LAMB1: variants seen among roughly 807,000 people sequenced by gnomAD.
The protein encoded by LAMB1 is laminin subunit beta-1.
A neutral mutation model predicts 222.3 loss-of-function variants in LAMB1; 121 were observed. The ratio of observed to expected loss-of-function variants is 0.54; its 90% CI spans 0.47 to 0.63. The LOEUF is 0.63. LAMB1 is among the 30% of genes least tolerant of loss of function. LAMB1 has a pLI of 0.00. For synonymous variants in LAMB1, 794 were observed against 807.2 expected, an observed-to-expected ratio of 0.98 and a Z score of 0.28; for missense variants, 2,172 against 2,240.8, an observed-to-expected ratio of 0.97 and a Z score of 0.62.
Position 107,974,018 on chromosome 7 carries a change from C to T in LAMB1, c.1483-947G>A, listed in dbSNP as rs2033803625. Among the ~76,000 whole-genome samples the T allele has an allele frequency of 3.3e-5, 5 of 152,198 alleles. No homozygotes were observed. In the South Asian group the frequency reaches 1.0e-3, roughly 32 times the overall value. Reference sequence around the variant, plus strand: ...TCTCAAACTCATGATCTCAAGCATTCCTCCTGCCTTGGCCACCCAAAGCAC... The same window carrying T: ...TCTCAAACTCATGATCTCAAGCATTTCTCCTGCCTTGGCCACCCAAAGCAC... On this transcript the variant is annotated intron_variant, in intron 12 of 33. Transcript: ENST00000222399.
rs1215861348 is a variant in LAMB1, at chr7:107,931,411, G to T, written c.4482C>A (p.Asp1494Glu). The change falls in exon 29 of 34, where the codon GAC becomes GAA. Residue 1494 changes from aspartate (D) to glutamate (E), a missense_variant. Physicochemically the swap from Asp to Glu is conservative, Grantham distance 45. Transcript: ENST00000222399. ...GATTTCTCAGCTCCTCATTGCTCTT[G>T]TCCATTTTTTCTTTGGTAGCATTTG... ...LKTNATKEKM[D>E]KSNEELRNLI... The T allele has an allele frequency of 6.2e-7, 1 of 1,613,598 alleles. No individual in the cohort carries two copies. The highest frequency in any genetic ancestry group is 1.3e-5 in the African/African-American group (1 of 74,872).
At chr7:107,925,898 TA>T (rs34631145) in intron 32 of LAMB1, among the ~76,000 whole-genome samples, 180 of 142,856 alleles carry the variant, frequency 1.3e-3, no homozygotes, top group Middle Eastern at 3.6e-3. Flanking sequence ...ATAGTTGGTT[TA>T]AAAAAAAAAA....
chr7:107,941,955 G>A (rs749726243), intron 24 of LAMB1, among the ~76,000 whole-genome samples: 6 of 148,130 alleles, frequency 4.1e-5, no homozygotes, highest in Non-Finnish European at 8.9e-5. Context: ...GAGATTACAG[G>A]TGTGAGCCAC....
At position 107,931,434 on chromosome 7, in the gene LAMB1, T is replaced by G; in HGVS notation, c.4459A>C (p.Asn1487His). Residue 1487 changes from asparagine (N) to histidine (H), a missense_variant, in exon 29 of 34, where the codon AAT becomes CAT. By Grantham distance (68) the Asn-to-His change is moderately conservative (BLOSUM62 1). Transcript: ENST00000222399. ...TTGTCCATTTTTTCTTTGGTAGCAT[T>G]TGTCTTCAACAGAATGTCTTCAGCA... ...QSAEDILLKT[N>H]ATKEKMDKSN... 6.2e-7 allele frequency: 1 copy of G among 1,613,854 alleles called. No individual in the cohort carries two copies. The highest frequency in any genetic ancestry group is 1.1e-5 in the South Asian group (1 of 91,084).
chr7:107,945,603 T>G (rs1213447453), intron 24 of LAMB1, among the ~76,000 whole-genome samples: 1 of 152,242 alleles, frequency 6.6e-6, no homozygotes, highest in African/African-American at 2.4e-5. Context: ...CCCCCAGGCT[T>G]GTGGAAACAG....
At chr7:107,980,990 G>C (rs2033961388) in intron 7 of LAMB1, among the ~76,000 whole-genome samples, 179 bp from the exon 8 acceptor site, 1 of 152,060 alleles carries the variant, frequency 6.6e-6, no homozygotes, top group Non-Finnish European at 1.5e-5. Context: ...ACTGCAAAGA[G>C]GAAAGGTTAC....
At chr7:107,941,608 G>A (rs1429411804) in intron 24 of LAMB1, among the ~76,000 whole-genome samples, 2 of 151,074 alleles carry the variant, frequency 1.3e-5, no homozygotes, top group African/African-American at 2.4e-5. Flanking sequence ...TCCTCCTGAA[G>A]TGCAATGTCA....
intron 7 of LAMB1, among the ~76,000 whole-genome samples, chr7:107,982,146 T>C (rs975762568): frequency 6.6e-6 from 1 of 152,222 alleles, no homozygotes; most frequent in Non-Finnish European, 1.5e-5. Context: ...TACCAATTCA[T>C]TCTATAGTAA....
chr7:107,959,467 A>G lies in LAMB1; in HGVS notation c.2472T>C (p.His824=). 6.2e-7 allele frequency: 1 copy of G among 1,614,092 alleles called. No homozygotes were observed. The highest frequency in any genetic ancestry group is 8.5e-7 in the Non-Finnish European group (1 of 1,179,994). The change falls in exon 20 of 34, where the codon CAT becomes CAC. Residue 824 remains histidine (H), a synonymous_variant. Coordinates refer to ENST00000222399, the MANE Select transcript of LAMB1 (RefSeq NM_002291.3). ...GPSGCKPCEC[H]LQGSVNAFCN... is the part of the protein sequence containing the mutation. ...AGAAGGCATTGACAGATCCTTGCAG[A>G]TGGCACTCACAAGCTAAAGAAACAG...
In LAMB1 at chr7:107,975,743, G is replaced by A. The variant is rs28750165; in HGVS notation, c.1135C>T (p.Pro379Ser). 0.01 allele frequency: 16,484 copies of A among 1,613,708 alleles called. 1,183 individuals are homozygous for A. In the African/African-American group the frequency reaches 0.17, roughly 17 times the overall value. ...TMGRNCEQCKPFYYQHPERDI... is the reference protein window; with the variant it reads ...TMGRNCEQCKSFYYQHPERDI... ...CTCTCTGGGTGCTGGTAGTAAAACG[G>A]CTTGCACTGCTCACAGTTGCGCCCC... Residue 379 changes from proline to serine, a missense_variant, in exon 10 of 34, where the codon CCG becomes TCG. Physicochemically the swap from Pro to Ser is moderately conservative, Grantham distance 74. Coordinates refer to ENST00000222399, the MANE Select transcript of LAMB1 (RefSeq NM_002291.3).
chr7:107,995,345 C>T (rs1323923311), intron 4 of LAMB1, among the ~76,000 whole-genome samples: 5 of 152,328 alleles, frequency 3.3e-5, no homozygotes, highest in South Asian at 2.1e-4. Flanking sequence ...TTCCTGTGCA[C>T]AGTAGGGGGT....
At position 108,001,719 on chromosome 7, in the gene LAMB1, G is replaced by C. The variant is rs779118306; in HGVS notation, c.52C>G (p.Arg18Gly). 8 of 1,612,728 alleles carry C rather than the reference G, an allele frequency of 5.0e-6. No individual in the cohort carries two copies. The South Asian group carries it at 6.6e-5, about 13-fold the overall frequency. ...AFSFLALCRA[R>G]VRAQEPEFSY... ...AACTCGGGTTCCTGAGCGCGCACTCGGGCTCTGCACAGGGCTGCGGGAAGG... is the reference window on the plus strand; with the variant it reads ...AACTCGGGTTCCTGAGCGCGCACTCCGGCTCTGCACAGGGCTGCGGGAAGG... The change falls in exon 3 of 34, where the codon CGA (arginine) becomes GGA (glycine). Residue 18 changes from arginine (R) to glycine (G), a missense_variant. Physicochemically the swap from Arg to Gly is moderately radical, Grantham distance 125 (BLOSUM62 -2). Transcript: ENST00000222399.
chr7:107,938,289 ATT>A (rs1317515682), intron 25 of LAMB1, among the ~76,000 whole-genome samples: 3 of 152,208 alleles, frequency 2.0e-5, no homozygotes, highest in African/African-American at 7.2e-5. Context: ...GGTAGATTAA[ATT>A]ACATTTCAGT....
In LAMB1 at chr7:107,937,226, T is replaced by G. The variant is rs1301763039; in HGVS notation, c.3813A>C (p.Leu1271Phe). 1.9e-6 allele frequency: 3 copies of G among 1,614,096 alleles called. No homozygotes were observed. Among genetic ancestry groups the G allele is most frequent in the Non-Finnish European group, 2.5e-6 (3 of 1,179,954 alleles). Residue 1271 changes from leucine to phenylalanine, a missense_variant, in exon 26 of 34, where the codon TTA becomes TTC. Leu to Phe is a conservative substitution (Grantham distance 22). Coordinates refer to ENST00000222399, the MANE Select transcript of LAMB1 (RefSeq NM_002291.3). ...TGTTGCTTTGGGAAGTTGTGTCAGA[T>G]AATTTCACTTCTACTTGAGCCATCA... ...TEMMAQVEVKLSDTTSQSNST... is the reference protein window; with the variant it reads ...TEMMAQVEVKFSDTTSQSNST...
rs1299662604 is a variant in LAMB1 at position 107,932,370 on chromosome 7, C to T, written c.4196G>A (p.Gly1399Glu). ...GGAACAGGAGGCCCCTGGGGGTGTTCCACAGGTCTGCAACAAGCCAAGGAT... is the reference window on the plus strand; with the variant it reads ...GGAACAGGAGGCCCCTGGGGGTGTTTCACAGGTCTGCAACAAGCCAAGGAT... The part of the protein sequence containing the change: ...DLSAAAEMTC[G>E]TPPGASCSET... The change falls in exon 28 of 34, where the codon GGA becomes GAA. Residue 1399 changes from glycine to glutamate, a missense_variant. Gly to Glu is a moderately conservative substitution (Grantham distance 98). Transcript: ENST00000222399. 1 of 1,614,216 alleles carries T rather than the reference C, an allele frequency of 6.2e-7. No individual in the cohort carries two copies. Among genetic ancestry groups the T allele is most frequent in the Non-Finnish European group, 8.5e-7 (1 of 1,180,026 alleles).
chr7:107,962,816 C>T (rs2033538693), intron 15 of LAMB1, 89 bp downstream of exon 15: 1 of 1,079,494 alleles, frequency 9.3e-7, no homozygotes, highest in Non-Finnish European at 1.3e-6. Flanking sequence ...CTCCATATTT[C>T]ATAACTATAT....
chr7:107,928,309 T>C (rs947081728), intron 31 of LAMB1, among the ~76,000 whole-genome samples: 10 of 152,212 alleles, frequency 6.6e-5, no homozygotes, highest in African/African-American at 2.4e-4. Context: ...GAATTGGGTA[T>C]TGAAAGCAGA....
chr7:107,940,770 T>C lies in LAMB1; in HGVS notation c.3392-412A>G, dbSNP rs577342554. ...TTCTTTGCAACTCCGGAGTCTATAC[T>C]CTTCACCTCCGTCCTGCCTTTGCCT... On this transcript the variant is annotated intron_variant, in intron 24 of 33. Transcript: ENST00000222399. 2.0e-5 allele frequency among the ~76,000 whole-genome samples: 3 copies of C among 152,184 alleles called. No individual in the cohort carries two copies. The East Asian group carries it at 5.8e-4, about 29-fold the overall frequency.
chr7:107,984,430 T>C (rs1371952240), intron 7 of LAMB1, among the ~76,000 whole-genome samples: 1 of 152,220 alleles, frequency 6.6e-6, no homozygotes, highest in East Asian at 1.9e-4. Context: ...ATATTTTTAG[T>C]AGAGACACGG....
Sources: allele counts gnomAD v4.1 joint callset (sites outside exome capture counted in the v4.1 genomes callset), GRCh38; gene constraint gnomAD v4.1.1; transcripts MANE v1.5; gene names NCBI Gene and HGNC (gene_info 2026-07-23, HGNC 2026-07-21).